OXCT2: variants seen among roughly 807,000 people sequenced by gnomAD.
The protein encoded by OXCT2 is 3-oxoacid CoA-transferase 2, also known as succinyl-CoA:3-ketoacid coenzyme A transferase 2, mitochondrial.
For synonymous variants in OXCT2, 110 were observed against 298.4 expected (o/e 0.37, Z 6.51); for missense variants, 317 against 695.7 (o/e 0.46, Z 6.12).
rs763544435 is a variant in OXCT2 at position 39,770,538 on chromosome 1, C to T, written c.718G>A (p.Val240Ile). 5 of 1,609,988 alleles carry T rather than the reference C, an allele frequency of 3.1e-6. No homozygotes were observed. The highest frequency in any genetic ancestry group is 1.1e-5 in the South Asian group (1 of 90,738). The change falls in exon 1 of 1, where the codon GTC becomes ATC. Residue 240 changes from valine to isoleucine, a missense_variant. Physicochemically the swap from Val to Ile is conservative, Grantham distance 29 (BLOSUM62 3). Transcript: ENST00000327582. ...ATCTCTTCCACCTCCACCGCCGTGA[C>T]GTCTGCAGCTTTGCACATGGGCACG... ...FNVPMCKAAD[V>I]TAVEVEEIVE... is the part of the protein sequence containing the mutation.
rs139638488 is a variant in OXCT2 at position 39,770,649 on chromosome 1, T to C, written c.607A>G (p.Ile203Val). ...NGDHFLLERA[I>V]RADFALVKGW... ...TTCACCAGGGCGAAGTCTGCCCGGA[T>C]GGCGCGCTCCAAAAGGAAGTGGTCG... Residue 203 changes from isoleucine (I) to valine (V), a missense_variant, in exon 1 of 1, where the codon ATC (isoleucine) becomes GTC (valine). Physicochemically the swap from Ile to Val is conservative, Grantham distance 29 (BLOSUM62 3). Transcript: ENST00000327582. The C allele has an allele frequency of 1.6e-3, 2,359 of 1,520,494 alleles. 21 individuals carry two copies. Among genetic ancestry groups the C allele is most frequent in the Non-Finnish European group, 1.8e-3 (2,070 of 1,128,046 alleles). The allele number at this position is 1,520,494 out of a possible 1,614,324, so 94.2% of individuals were successfully genotyped here.
In OXCT2 at chr1:39,771,312, C is replaced by T; in HGVS notation, c.-57G>A. The T allele has an allele frequency of 6.3e-6, 9 of 1,420,520 alleles. No homozygotes were observed. The South Asian group carries it at 1.2e-4, about 20-fold the overall frequency. 88.0% of individuals were successfully genotyped at this position (1,420,520 alleles called of 1,614,324 possible). ...GTGTGAGCCCTGCGTGCGCCTCGGG[C>T]CGCGCGTCACAGAGCAGGGCGGGCG... is the stretch of plus-strand genomic sequence containing the variant. On this transcript the variant is annotated 5_prime_UTR_variant, in exon 1 of 1. Transcript: ENST00000327582.
Position 39,771,084 on chromosome 1 carries a change from T to A in OXCT2, c.172A>T (p.Thr58Ser), listed in dbSNP as rs531385673. 213 of 1,552,332 alleles carry A rather than the reference T, an allele frequency of 1.4e-4. 9 individuals carry two copies. The African/African-American group carries it at 2.6e-3, about 19-fold the overall frequency. The change falls in exon 1 of 1, where the codon ACC becomes TCC. Residue 58 changes from threonine to serine, a missense_variant. Thr to Ser is a moderately conservative substitution (Grantham distance 58). Coordinates refer to ENST00000327582, the MANE Select transcript of OXCT2 (RefSeq NM_022120.2). ...AGCCCGAAGCCCCCGATCATGACGG[T>A]CGCCCCGTCAGAGATGTCCTTCACC... ...EMVKDISDGA[T>S]VMIGGFGLCG... is the part of the protein sequence containing the mutation.
Position 39,770,259 on chromosome 1 carries a change from T to C in OXCT2, c.997A>G (p.Ser333Gly). The stretch of plus-strand genomic sequence containing the variant: ...TCACTGTGAAGATGGACAGTCATGC[T>C]GGGACTGATGAAGTTGCTGGCCAGC... ...PLLASNFISP[S>G]MTVHLHSENG... The change falls in exon 1 of 1, where the codon AGC becomes GGC. Residue 333 changes from serine (S) to glycine (G), a missense_variant. By Grantham distance (56) the Ser-to-Gly change is moderately conservative. Transcript: ENST00000327582. 2 of 1,543,046 alleles carry C rather than the reference T, an allele frequency of 1.3e-6. No homozygotes were observed. The highest frequency in any genetic ancestry group is 1.7e-6 in the Non-Finnish European group (2 of 1,145,342).
At position 39,771,150 on chromosome 1, in the gene OXCT2, G is replaced by A. The variant is rs1319369410; in HGVS notation, c.106C>T (p.Pro36Ser). The change falls in exon 1 of 1, where the codon CCC (proline) becomes TCC (serine). Residue 36 changes from proline (P) to serine (S), a missense_variant. Transcript: ENST00000327582. The stretch of plus-strand genomic sequence containing the variant: ...GCGTAGAACTTGGCACGGAGCCGGG[G>A]ACTGGTGGCAAAGCAGCGGGCGCAG... ...QGCARCFATSPRLRAKFYADP... is the reference protein window; with the variant it reads ...QGCARCFATSSRLRAKFYADP... 1.9e-6 allele frequency: 3 copies of A among 1,556,430 alleles called. 1 individual carries two copies. The Admixed American group carries it at 5.2e-5, about 27-fold the overall frequency.
In OXCT2 at chr1:39,771,039, G is replaced by C; in HGVS notation, c.217C>G (p.Leu73Val). Residue 73 changes from leucine to valine, a missense_variant, in exon 1 of 1, where the codon CTG (leucine) becomes GTG (valine). Transcript: ENST00000327582. The part of the protein sequence containing the change: ...GFGLCGIPEN[L>V]IAALLRTRVK... ...CGGGTCCTGAGCAGCGCGGCGATCA[G>C]GTTCTCGGGGATCCCGCAGAGCCCG... is the stretch of plus-strand genomic sequence containing the variant. 1 of 1,517,960 alleles carries C rather than the reference G, an allele frequency of 6.6e-7. No individual in the cohort carries two copies. Among genetic ancestry groups the C allele is most frequent in the Non-Finnish European group, 8.9e-7 (1 of 1,124,654 alleles). The allele number at this position is 1,517,960 out of a possible 1,614,324, so 94.0% of individuals were successfully genotyped here.
At position 39,770,439 on chromosome 1, in the gene OXCT2, G is replaced by T; in HGVS notation, c.817C>A (p.Gln273Lys). The change falls in exon 1 of 1, where the codon CAG (glutamine) becomes AAG (lysine). Residue 273 changes from glutamine (Q) to lysine (K), a missense_variant. Physicochemically the swap from Gln to Lys is moderately conservative, Grantham distance 53 (BLOSUM62 1). Coordinates refer to ENST00000327582, the MANE Select transcript of OXCT2 (RefSeq NM_022120.2). Reference sequence around the variant, plus strand: ...CGCTCAATTCGTTTCTCGTATTTCTGCCCCTTTATCACGCGATCTACATAA... The same window carrying T: ...CGCTCAATTCGTTTCTCGTATTTCTTCCCCTTTATCACGCGATCTACATAA... Reference protein sequence around the residue: ...NIYVDRVIKGQKYEKRIERLT... With the variant: ...NIYVDRVIKGKKYEKRIERLT... 1.2e-6 allele frequency: 2 copies of T among 1,609,132 alleles called. No individual in the cohort carries two copies. Among genetic ancestry groups the T allele is most frequent in the Admixed American group, 1.7e-5 (1 of 59,850 alleles).
chr1:39,771,286 G>A lies in OXCT2; in HGVS notation c.-31C>T, dbSNP rs1392615059. The A allele has an allele frequency of 1.4e-6, 2 of 1,474,030 alleles. No homozygotes were observed. Among genetic ancestry groups the A allele is most frequent in the South Asian group, 1.4e-5 (1 of 71,202 alleles). The allele number at this position is 1,474,030 out of a possible 1,614,324, so 91.3% of individuals were successfully genotyped here. On this transcript the variant is annotated 5_prime_UTR_variant, in exon 1 of 1. Transcript: ENST00000327582. ...GCCCGGGTCGGAGGCCAGGACAGGT[G>A]GTGTGAGCCCTGCGTGCGCCTCGGG...
In OXCT2 at chr1:39,771,205, G is replaced by A. The variant is rs762961152; in HGVS notation, c.51C>T (p.Ala17=). 31 of 1,529,998 alleles carry A rather than the reference G, an allele frequency of 2.0e-5. 1 individual carries two copies. The South Asian group carries it at 3.5e-4, about 17-fold the overall frequency. 94.8% of individuals were successfully genotyped at this position (1,529,998 alleles called of 1,614,324 possible). A position where few individuals can be genotyped will look rare whatever the true frequency, so the allele number is the denominator to read the frequency against. ...LASVLGRGVP[A]GGSGLALSQG... is the part of the protein sequence containing the mutation. ...GGGACAGCGCGAGCCCTGAGCCGCC[G>A]GCGGGGACCCCGCGCCCGAGCACTG... Residue 17 remains alanine, a synonymous_variant, in exon 1 of 1, where the codon GCC becomes GCT. Coordinates refer to ENST00000327582, the MANE Select transcript of OXCT2 (RefSeq NM_022120.2).
chr1:39,770,319 C>A lies in OXCT2; in HGVS notation c.937G>T (p.Gly313Cys), dbSNP rs571438719. The stretch of plus-strand genomic sequence containing the variant: ...CCTATGCCCAGATTGGCGTACATGC[C>A]GTCCTCAAATTCCAGAGCTGCGCGT... Reference protein sequence around the residue: ...IRRAALEFEDGMYANLGIGIP... With the variant: ...IRRAALEFEDCMYANLGIGIP... Residue 313 changes from glycine (G) to cysteine (C), a missense_variant, in exon 1 of 1, where the codon GGC (glycine) becomes TGC (cysteine). Coordinates refer to ENST00000327582, the MANE Select transcript of OXCT2 (RefSeq NM_022120.2). 6.3e-7 allele frequency: 1 copy of A among 1,587,082 alleles called. No individual in the cohort carries two copies. The highest frequency in any genetic ancestry group is 8.5e-7 in the Non-Finnish European group (1 of 1,171,938).
Position 39,769,613 on chromosome 1 carries a change from C to A in OXCT2, c.*89G>T, listed in dbSNP as rs964860444. Reference sequence around the variant, plus strand: ...GAAAGTAGGAGGCCAGTAGCAAACCCCTCCCAGAGCTGGGGACATGTATTC... The same window carrying A: ...GAAAGTAGGAGGCCAGTAGCAAACCACTCCCAGAGCTGGGGACATGTATTC... On this transcript the variant is annotated 3_prime_UTR_variant, in exon 1 of 1. Coordinates refer to ENST00000327582, the MANE Select transcript of OXCT2 (RefSeq NM_022120.2). 4 of 1,436,986 alleles carry A rather than the reference C, an allele frequency of 2.8e-6. No individual in the cohort carries two copies. In the East Asian group the frequency reaches 1.0e-4, roughly 37 times the overall value. 89.0% of individuals were successfully genotyped at this position (1,436,986 alleles called of 1,614,324 possible).
chr1:39,770,352 T>C lies in OXCT2; in HGVS notation c.904A>G (p.Ile302Val), dbSNP rs768577604. Residue 302 changes from isoleucine (I) to valine (V), a missense_variant, in exon 1 of 1, where the codon ATC (isoleucine) becomes GTC (valine). Physicochemically the swap from Ile to Val is conservative, Grantham distance 29 (BLOSUM62 3). Coordinates refer to ENST00000327582, the MANE Select transcript of OXCT2 (RefSeq NM_022120.2). Reference sequence around the variant, plus strand: ...AATTCCAGAGCTGCGCGTCTGATGATGCGCGTCCTGGCGTCCTCTTCCTTT... The same window carrying C: ...AATTCCAGAGCTGCGCGTCTGATGACGCGCGTCCTGGCGTCCTCTTCCTTT... ...AGKEEDARTR[I>V]IRRAALEFED... The C allele has an allele frequency of 1.9e-5, 30 of 1,593,348 alleles. No individual in the cohort carries two copies. Among genetic ancestry groups the C allele is most frequent in the Admixed American group, 1.0e-4 (6 of 58,998 alleles).
Position 39,770,456 on chromosome 1 carries a change from T to G in OXCT2, c.800A>C (p.Asp267Ala). Residue 267 changes from aspartate to alanine, a missense_variant, in exon 1 of 1, where the codon GAT (aspartate) becomes GCT (alanine). Transcript: ENST00000327582. ...EDIHVPNIYVDRVIKGQKYEK... is the reference protein window; with the variant it reads ...EDIHVPNIYVARVIKGQKYEK... ...GTATTTCTGCCCCTTTATCACGCGA[T>G]CTACATAAATGTTAGGAACGTGGAT... 6.2e-7 allele frequency: 1 copy of G among 1,608,374 alleles called. No homozygotes were observed. The highest frequency in any genetic ancestry group is 8.5e-7 in the Non-Finnish European group (1 of 1,178,768).
Position 39,769,777 on chromosome 1 carries a change from G to C in OXCT2, c.1479C>G (p.Asp493Glu), listed in dbSNP as rs143322993. ...CACACCCCGTGCTCTTTTTGATGTCGTCCACCGTCAGGCCCTCCCAGAGCT... is the reference window on the plus strand; with the variant it reads ...CACACCCCGTGCTCTTTTTGATGTCCTCCACCGTCAGGCCCTCCCAGAGCT... ...LRELWEGLTV[D>E]DIKKSTGCAF... The change falls in exon 1 of 1, where the codon GAC becomes GAG. Residue 493 changes from aspartate to glutamate, a missense_variant. Transcript: ENST00000327582. The C allele has an allele frequency of 1.4e-5, 22 of 1,612,808 alleles. No homozygotes were observed. Among genetic ancestry groups the C allele is most frequent in the Non-Finnish European group, 1.6e-5 (19 of 1,179,554 alleles).
rs201022411 is a variant in OXCT2, at chr1:39,769,702, T to G, written c.1554A>C (p.Ter518CysextTer47). ...CCACCCCGCCCAGATCCAGGTCCCG[T>G]CAGGGTGCCACCTGCTGCATGGGCC... ...NLRPMQQVAP* is the reference protein window; with the variant it reads ...NLRPMQQVAPC Residue 518 changes from the stop codon to cysteine (C), a stop_lost, in exon 1 of 1, where the codon TGA (stop) becomes TGC (cysteine). Coordinates refer to ENST00000327582, the MANE Select transcript of OXCT2 (RefSeq NM_022120.2). 1.9e-6 allele frequency: 3 copies of G among 1,606,764 alleles called. No homozygotes were observed. The highest frequency in any genetic ancestry group is 2.6e-6 in the Non-Finnish European group (3 of 1,175,770).
Position 39,771,099 on chromosome 1 carries a change from T to C in OXCT2, c.157A>G (p.Ile53Val), listed in dbSNP as rs748071943. Residue 53 changes from isoleucine (I) to valine (V), a missense_variant, in exon 1 of 1, where the codon ATC becomes GTC. Coordinates refer to ENST00000327582, the MANE Select transcript of OXCT2 (RefSeq NM_022120.2). ...ATCATGACGGTCGCCCCGTCAGAGA[T>C]GTCCTTCACCATCTCCACCGGGTCC... is the stretch of plus-strand genomic sequence containing the variant. ...YADPVEMVKD[I>V]SDGATVMIGG... is the part of the protein sequence containing the mutation. 71 of 1,562,116 alleles carry C rather than the reference T, an allele frequency of 4.5e-5. 5 individuals carry two copies. The highest frequency in any genetic ancestry group is 2.3e-5 in the East Asian group (1 of 44,016).
Position 39,769,628 on chromosome 1 carries a change from G to A in OXCT2, c.*74C>T, listed in dbSNP as rs1279853347. On this transcript the variant is annotated 3_prime_UTR_variant, in exon 1 of 1. Transcript: ENST00000327582. The stretch of plus-strand genomic sequence containing the variant: ...GTAGCAAACCCCTCCCAGAGCTGGG[G>A]ACATGTATTCCCCTGGGGAACCCGG... The A allele has an allele frequency of 2.0e-5, 29 of 1,448,054 alleles. No homozygotes were observed. The allele number at this position is 1,448,054 out of a possible 1,614,324, so 89.7% of individuals were successfully genotyped here.
rs755094827 is a variant in OXCT2 at position 39,769,842 on chromosome 1, C to T, written c.1414G>A (p.Val472Met). ...CVDRIITEKA[V>M]FDVHRKKELT... ...TCTTTCTTCCTGTGCACGTCAAACA[C>T]GGCCTTCTCGGTGATGATGCGGTCC... The change falls in exon 1 of 1, where the codon GTG becomes ATG. Residue 472 changes from valine to methionine, a missense_variant. Physicochemically the swap from Val to Met is conservative, Grantham distance 21. Transcript: ENST00000327582. 1.4e-5 allele frequency: 22 copies of T among 1,612,530 alleles called. No individual in the cohort carries two copies. The highest frequency in any genetic ancestry group is 1.9e-5 in the Non-Finnish European group (22 of 1,179,642).
rs759166954 is a variant in OXCT2 at position 39,769,808 on chromosome 1, A to G, written c.1448T>C (p.Leu483Pro). The change falls in exon 1 of 1, where the codon CTG becomes CCG. Residue 483 changes from leucine (L) to proline (P), a missense_variant. Physicochemically the swap from Leu to Pro is moderately conservative, Grantham distance 98. Coordinates refer to ENST00000327582, the MANE Select transcript of OXCT2 (RefSeq NM_022120.2). Reference sequence around the variant, plus strand: ...CGTCAGGCCCTCCCAGAGCTCCCTCAGCGTCAGCTCTTTCTTCCTGTGCAC... The same window carrying G: ...CGTCAGGCCCTCCCAGAGCTCCCTCGGCGTCAGCTCTTTCTTCCTGTGCAC... ...FDVHRKKELT[L>P]RELWEGLTVD... The G allele has an allele frequency of 4.3e-6, 7 of 1,613,650 alleles. No homozygotes were observed. The South Asian group carries it at 7.7e-5, about 18-fold the overall frequency.
Sources: allele counts gnomAD v4.1 joint callset, GRCh38; gene constraint gnomAD v4.1.1; transcripts MANE v1.5; gene names NCBI Gene and HGNC (gene_info 2026-07-23, HGNC 2026-07-21).